The following AGBL3 variants were observed in gnomAD, a reference collection of about 807,000 sequenced individuals.
The protein encoded by AGBL3 is AGBL carboxypeptidase 3.
In AGBL3, 68 loss-of-function variants were observed where a neutral mutation model predicts 94.5. The ratio of observed to expected loss-of-function variants is 0.72; its 90% CI spans 0.59 to 0.88. The LOEUF is 0.88. Ranked by LOEUF, AGBL3 falls within the 40% of genes least tolerant of loss-of-function variation. The probability of loss-of-function intolerance (pLI) is 0.00; values close to 1 mark genes in which losing one functional copy is unlikely to be tolerated. For missense variants in AGBL3, 934 were observed against 1,103.8 expected (o/e 0.85, Z 2.18); for synonymous variants, 354 against 370.7 (o/e 0.95, Z 0.52).
At chr7:135,096,708 G>T (rs559256989) in intron 15 of AGBL3, among the ~76,000 whole-genome samples, 8 of 115,940 alleles carry the variant, frequency 6.9e-5, no homozygotes, top group Non-Finnish European at 1.5e-4. Flanking sequence ...AGAAAAAGAG[G>T]GAAGAAAGAA....
At chr7:135,053,133 A>G (rs1014516520) in intron 11 of AGBL3, among the ~76,000 whole-genome samples, 9 of 152,246 alleles carry the variant, frequency 5.9e-5, no homozygotes, top group South Asian at 2.1e-4. Context: ...AGAACTTTGC[A>G]TGCAGAAACA....
intron 11 of AGBL3, among the ~76,000 whole-genome samples, chr7:135,052,012 T>C (rs1457621355): frequency 2.6e-5 from 4 of 152,194 alleles, no homozygotes; most frequent in Non-Finnish European, 5.9e-5. Flanking sequence ...TTTTTTGTTT[T>C]TAAATTATAT....
At chr7:135,099,755 GC>G (rs1263595423) in intron 15 of AGBL3, among the ~76,000 whole-genome samples, 2 of 151,988 alleles carry the variant, frequency 1.3e-5, no homozygotes, top group African/African-American at 4.8e-5. Flanking sequence ...TATACACAGT[GC>G]CCCACAAGAT....
At position 135,081,745 on chromosome 7, in the gene AGBL3, T is replaced by G; in HGVS notation, c.2065T>G (p.Tyr689Asp). The G allele has an allele frequency of 6.5e-7, 1 of 1,542,652 alleles. No individual in the cohort carries two copies. Residue 689 changes from tyrosine to aspartate, a missense_variant, in exon 15 of 17, where the codon TAT becomes GAT. Around this residue, in one of 3 missense-constraint regions of AGBL3, gnomAD observed 441 missense variants for 518.2 expected, o/e 0.85. Coordinates refer to ENST00000436302, the MANE Select transcript of AGBL3 (RefSeq NM_178563.4). ...KDTRPNEPDDYMVDYFRRQLP... is the reference protein window; with the variant it reads ...KDTRPNEPDDDMVDYFRRQLP... ...TACAAGGCCAAATGAACCAGATGAT[T>G]ATATGGTTGATTATTTCAGAAGACA...
At chr7:135,113,617 C>G (rs192883530) in intron 15 of AGBL3, among the ~76,000 whole-genome samples, 1 of 152,270 alleles carries the variant, frequency 6.6e-6, no homozygotes, top group Admixed American at 6.5e-5. Context: ...TTCCTTCAGG[C>G]TTTACTCAGG....
intron 9 of AGBL3, 74 bp from the exon 10 acceptor site, chr7:135,045,400 G>C (rs2348054): frequency 0.98 from 1,175,831 of 1,196,442 alleles, 579,561 homozygotes; most frequent in Non-Finnish European, 1. Context: ...TTTGTTTATA[G>C]TGTTTTGCAA....
At chr7:135,122,828 TAGAA>T (rs764205822) in intron 16 of AGBL3, among the ~76,000 whole-genome samples, 4 of 151,496 alleles carry the variant, frequency 2.6e-5, no homozygotes, top group African/African-American at 7.3e-5. Context: ...GAAAAACAAA[TAGAA>T]AGCAACAACA....
chr7:135,087,642 T>C (rs1821435004), intron 15 of AGBL3, among the ~76,000 whole-genome samples: 3 of 152,008 alleles, frequency 2.0e-5, no homozygotes, highest in African/African-American at 7.2e-5. Flanking sequence ...TGAAAGTTCT[T>C]CTTGTTATTG....
intron 16 of AGBL3, among the ~76,000 whole-genome samples, chr7:135,130,290 T>C (rs1828549632): frequency 1.3e-5 from 2 of 152,222 alleles, no homozygotes; most frequent in African/African-American, 4.8e-5. Context: ...TGGAAATTTA[T>C]AATAATTTAA....
At position 135,129,223 on chromosome 7, in the gene AGBL3, T is replaced by C. The variant is rs1385418265; in HGVS notation, c.2343-5618T>C. On this transcript the variant is annotated intron_variant, in intron 16 of 16. Transcript: ENST00000436302. ...CACGCATGCTGCCAGCTGCCTGTGA[T>C]GCAGGAGCCTGGCTACATCATGGGT... The C allele has an allele frequency of 2.8e-6, 4 of 1,452,150 alleles. No homozygotes were observed. In the African/African-American group the frequency reaches 5.6e-5, roughly 20 times the overall value. 90.0% of individuals were successfully genotyped at this position (1,452,150 alleles called of 1,614,324 possible).
chr7:135,107,579 T>C (rs1012721167), intron 15 of AGBL3, among the ~76,000 whole-genome samples: 8 of 151,984 alleles, frequency 5.3e-5, no homozygotes, highest in African/African-American at 1.9e-4. Context: ...GATCTAGGAG[T>C]GTGTTGGTTA....
chr7:135,052,163 CTT>C (rs1466302738), intron 11 of AGBL3, among the ~76,000 whole-genome samples: 1 of 151,976 alleles, frequency 6.6e-6, no homozygotes, highest in Non-Finnish European at 1.5e-5. Flanking sequence ...TTTACTTATT[CTT>C]TGTTTTACTT....
At chr7:135,129,586 C>A in intron 16 of AGBL3, 1 of 771,112 alleles carries the variant, frequency 1.3e-6, no homozygotes, top group Non-Finnish European at 2.4e-6. Context: ...CTCTCTAGAG[C>A]AAACCCTTAC....
chr7:135,015,629 G>T, intron 4 of AGBL3, among the ~76,000 whole-genome samples: 1 of 145,980 alleles, frequency 6.9e-6, no homozygotes. Flanking sequence ...TTCTTTACTA[G>T]TTATTAATAA....
intron 11 of AGBL3, among the ~76,000 whole-genome samples, chr7:135,057,801 A>G (rs1184314066): frequency 6.6e-6 from 1 of 152,218 alleles, no homozygotes; most frequent in East Asian, 1.9e-4. Flanking sequence ...TTTTAAAATG[A>G]GCTATCAAAC....
At chr7:135,030,337 A>G (rs1815594975) in intron 5 of AGBL3, among the ~76,000 whole-genome samples, 1 of 152,128 alleles carries the variant, frequency 6.6e-6, no homozygotes, top group Non-Finnish European at 1.5e-5. Flanking sequence ...TCAAAGGTGC[A>G]TTTTCAACTT....
chr7:135,094,682 A>G (rs971967216), intron 15 of AGBL3: 1 of 364,812 alleles, frequency 2.7e-6, no homozygotes, highest in Admixed American at 3.7e-5. Context: ...AAAAGGAGAA[A>G]ATCAATAGGT....
At chr7:135,110,420 G>A (rs541944542) in intron 15 of AGBL3, among the ~76,000 whole-genome samples, 107 of 152,296 alleles carry the variant, frequency 7.0e-4, no homozygotes, top group African/African-American at 2.4e-3. Flanking sequence ...ATATGCCTGA[G>A]TAGCTGCTCT....
intron 4 of AGBL3, among the ~76,000 whole-genome samples, chr7:135,014,032 T>C (rs1813467381): frequency 6.6e-6 from 1 of 151,608 alleles, no homozygotes; most frequent in African/African-American, 2.4e-5. Context: ...CCATCTCTAC[T>C]AAAATACAAA....
Sources: gnomAD v4.1 joint callset for allele counts (sites outside exome capture counted in the v4.1 genomes callset) on GRCh38, gnomAD v4.1.1 for gene constraint, gnomAD v4.1.1 regional missense constraint, MANE v1.5 for transcripts, NCBI Gene and HGNC (gene_info 2026-07-23, HGNC 2026-07-21) for gene names.